CCSER1: variants seen among roughly 807,000 people sequenced by gnomAD.
The protein encoded by CCSER1 is coiled-coil serine rich protein 1.
CCSER1 carries 41 observed loss-of-function variants against 82.0 expected under a neutral mutation model. The observed-to-expected ratio is 0.50, with a 90% confidence interval of 0.39 to 0.65. The LOEUF (loss-of-function observed/expected upper bound fraction) is 0.65, where lower values mean the gene tolerates loss of function less well. Ranked by LOEUF, CCSER1 falls within the 30% of genes least tolerant of loss-of-function variation. CCSER1 has a pLI of 0.00. For missense variants in CCSER1, 1,119 were observed against 1,064.2 expected (o/e 1.05, Z -0.72); for synonymous variants, 414 against 383.9 (o/e 1.08, Z -0.92).
At chr4:91,353,004 C>T (rs1748577870) in intron 10 of CCSER1, among the ~76,000 whole-genome samples, 1 of 152,022 alleles carries the variant, frequency 6.6e-6, no homozygotes, top group African/African-American at 2.4e-5. Context: ...GATAGGGTGG[C>T]CAGGAAGTTC....
In CCSER1 at chr4:91,138,942, C is replaced by T. The variant is rs115857821; in HGVS notation, c.2217+52948C>T. Among the ~76,000 whole-genome samples the T allele has an allele frequency of 5.3e-3, 802 of 152,252 alleles. 7 individuals carry two copies. Among genetic ancestry groups the T allele is most frequent in the African/African-American group, 0.018 (758 of 41,538 alleles). Reference sequence around the variant, plus strand: ...GCAGGTTTGTTACATGGGCATATGGCATGATGCTGAGGTTTGGGCTATGAA... The same window carrying T: ...GCAGGTTTGTTACATGGGCATATGGTATGATGCTGAGGTTTGGGCTATGAA... On this transcript the variant is annotated intron_variant, in intron 10 of 10. Transcript: ENST00000509176.
rs565798118 is a variant in CCSER1, at chr4:90,180,901, C to A, written c.-42+53070C>A. ...ACTATAGGTTGAGTACTAGACTATA[C>A]GAGTTTGAATAATTGCTCTACTGTT... On this transcript the variant is annotated intron_variant, in intron 1 of 10. Coordinates refer to ENST00000509176, the MANE Select transcript of CCSER1 (RefSeq NM_001145065.2). Among the ~76,000 whole-genome samples, 7 of 152,164 alleles carry A rather than the reference C, an allele frequency of 4.6e-5. No individual in the cohort carries two copies. The East Asian group carries it at 9.7e-4, about 21-fold the overall frequency.
chr4:90,290,879 G>T (rs1442190319), intron 1 of CCSER1, among the ~76,000 whole-genome samples: 1 of 151,978 alleles, frequency 6.6e-6, no homozygotes, highest in Non-Finnish European at 1.5e-5. Flanking sequence ...TGATGTTATT[G>T]TTACTGTTGT....
chr4:91,097,275 T>C (rs1014365047), intron 10 of CCSER1, among the ~76,000 whole-genome samples: 1 of 152,216 alleles, frequency 6.6e-6, no homozygotes, highest in Non-Finnish European at 1.5e-5. Context: ...TCTGAAATTC[T>C]ATTGAATGTG....
chr4:91,304,264 C>G (rs183615454), intron 10 of CCSER1, among the ~76,000 whole-genome samples: 1 of 151,808 alleles, frequency 6.6e-6, no homozygotes, highest in African/African-American at 2.4e-5. Flanking sequence ...TAAAAGATAA[C>G]AAAACCACAA....
chr4:90,558,814 T>C (rs954860690), intron 5 of CCSER1, among the ~76,000 whole-genome samples: 13 of 152,150 alleles, frequency 8.5e-5, no homozygotes, highest in Non-Finnish European at 1.6e-4. Context: ...ACCTGCCTTT[T>C]AGGTACAATG....
chr4:91,153,494 T>A (rs1730470968), intron 10 of CCSER1, among the ~76,000 whole-genome samples: 1 of 151,958 alleles, frequency 6.6e-6, no homozygotes, highest in Non-Finnish European at 1.5e-5. Context: ...ATTACCGATC[T>A]TCTGAAGCCT....
chr4:91,117,684 C>CAATG (rs1726740083), intron 10 of CCSER1, among the ~76,000 whole-genome samples: 2 of 152,024 alleles, frequency 1.3e-5, no homozygotes, highest in South Asian at 4.2e-4. Context: ...TCCCAAAAGC[C>CAATG]AATGCCATAG....
At chr4:90,855,850 T>C (rs1474031944) in intron 8 of CCSER1, among the ~76,000 whole-genome samples, 1 of 152,152 alleles carries the variant, frequency 6.6e-6, no homozygotes, top group Non-Finnish European at 1.5e-5. Flanking sequence ...ACAGTGGCAT[T>C]TTAAATATTT....
chr4:90,374,059 A>G (rs901386152), intron 3 of CCSER1, among the ~76,000 whole-genome samples: 1 of 152,194 alleles, frequency 6.6e-6, no homozygotes, highest in African/African-American at 2.4e-5. Context: ...CATCCACGAA[A>G]CTGTAGCAGG....
At chr4:90,161,821 A>T (rs1729510050) in intron 1 of CCSER1, among the ~76,000 whole-genome samples, 1 of 152,192 alleles carries the variant, frequency 6.6e-6, no homozygotes, top group Non-Finnish European at 1.5e-5. Flanking sequence ...TAGAAAGTGC[A>T]ATTATAGCAG....
chr4:91,449,647 A>C (rs1755765669), intron 10 of CCSER1, among the ~76,000 whole-genome samples: 1 of 152,096 alleles, frequency 6.6e-6, no homozygotes, highest in African/African-American at 2.4e-5. Context: ...CTCCAAGATT[A>C]TGATACTGTG....
intron 10 of CCSER1, among the ~76,000 whole-genome samples, chr4:91,219,449 T>C (rs943439009): frequency 6.6e-6 from 1 of 151,546 alleles, no homozygotes; most frequent in African/African-American, 2.4e-5. Flanking sequence ...AATAGCTGGG[T>C]CTGCAGTCGC....
intron 9 of CCSER1, among the ~76,000 whole-genome samples, chr4:91,069,996 T>C (rs1461098312): frequency 6.6e-6 from 1 of 151,988 alleles, no homozygotes; most frequent in Admixed American, 6.6e-5. Flanking sequence ...ATTTTTTTTT[T>C]TTTTCCAAGA....
At chr4:90,162,973 A>T (rs1340966102) in intron 1 of CCSER1, among the ~76,000 whole-genome samples, 3 of 152,118 alleles carry the variant, frequency 2.0e-5, no homozygotes, top group African/African-American at 7.2e-5. Flanking sequence ...AAACCATGGA[A>T]ATTATTCACA....
intron 10 of CCSER1, among the ~76,000 whole-genome samples, chr4:91,158,707 C>T (rs1380494488): frequency 6.6e-6 from 1 of 151,758 alleles, no homozygotes; most frequent in East Asian, 1.9e-4. Flanking sequence ...ACACACACGG[C>T]CTTGTAAGAC....
intron 5 of CCSER1, among the ~76,000 whole-genome samples, chr4:90,599,422 T>C (rs971394020): frequency 1.3e-5 from 2 of 152,254 alleles, no homozygotes; most frequent in Admixed American, 1.3e-4. Flanking sequence ...CTGCTATGAT[T>C]GTAAGTTTCC....
At chr4:91,247,858 ACT>A (rs1305570576) in intron 10 of CCSER1, among the ~76,000 whole-genome samples, 1 of 152,026 alleles carries the variant, frequency 6.6e-6, no homozygotes, top group Non-Finnish European at 1.5e-5. Context: ...ACAGAGTGAG[ACT>A]CTGTCTCAAA....
intron 1 of CCSER1, among the ~76,000 whole-genome samples, chr4:90,236,633 A>C (rs1259195019): frequency 6.6e-6 from 1 of 152,132 alleles, no homozygotes; most frequent in Non-Finnish European, 1.5e-5. Flanking sequence ...TATGGTAAGT[A>C]ATTTGCATTT....
Sources: allele counts gnomAD v4.1 joint callset (sites outside exome capture counted in the v4.1 genomes callset), GRCh38; gene constraint gnomAD v4.1.1; transcripts MANE v1.5; gene names NCBI Gene and HGNC (gene_info 2026-07-23, HGNC 2026-07-21).